STARD13: variants seen among roughly 807,000 people sequenced by gnomAD.
STARD13 encodes the protein StAR related lipid transfer domain containing 13, also known as stAR-related lipid transfer protein 13.
A neutral mutation model predicts 106.4 loss-of-function variants in STARD13; 62 were observed. The observed-to-expected ratio is 0.58, with a 90% CI of 0.48 to 0.72. STARD13 has a LOEUF of 0.72. Among genes scored for constraint, STARD13 ranks in the 30% least tolerant of loss-of-function variants. The probability of loss-of-function intolerance (pLI) is 0.00; values close to 1 mark genes in which losing one functional copy is unlikely to be tolerated. For synonymous variants in STARD13, 565 were observed against 553.0 expected (o/e 1.02, Z -0.31); for missense variants, 1,387 against 1,424.0 (o/e 0.97, Z 0.42).
intron 1 of STARD13, among the ~76,000 whole-genome samples, chr13:33,225,238 G>T (rs1159571996): frequency 1.3e-5 from 2 of 152,118 alleles, no homozygotes; most frequent in African/African-American, 2.4e-5. Flanking sequence ...CAAGTGCTAT[G>T]CCAGAAACTG....
At chr13:33,636,458 A>C in the STARD13 span, among the ~76,000 whole-genome samples, 1 of 152,162 alleles carries the variant, frequency 6.6e-6, no homozygotes, top group Admixed American at 6.5e-5. Flanking sequence ...TGGAGTGTGA[A>C]TGCGATGGGA....
intron 1 of STARD13, among the ~76,000 whole-genome samples, chr13:33,205,514 A>AGAAG (rs371636258): frequency 1.3e-5 from 2 of 152,206 alleles, no homozygotes; most frequent in African/African-American, 4.8e-5. Context: ...AAATAGAGAG[A>AGAAG]GAAGGAAGGA....
At chr13:33,415,492 C>T in the STARD13 span, among the ~76,000 whole-genome samples, 3 of 152,100 alleles carry the variant, frequency 2.0e-5, no homozygotes. Context: ...CTGGTTTCTA[C>T]AAGTATATAT....
intron 1 of STARD13, among the ~76,000 whole-genome samples, chr13:33,325,263 C>A (rs2077761100): frequency 6.6e-6 from 1 of 152,176 alleles, no homozygotes; most frequent in Non-Finnish European, 1.5e-5. Flanking sequence ...CTCTAGCCTT[C>A]ATCAAATCCT....
At chr13:33,172,976 G>C (rs1884139330) in intron 1 of STARD13, among the ~76,000 whole-genome samples, 1 of 152,176 alleles carries the variant, frequency 6.6e-6, no homozygotes, top group Non-Finnish European at 1.5e-5. Context: ...AAAAGAAAGA[G>C]TGTGATCGTC....
At chr13:33,153,330 G>A (rs879789764) in intron 3 of STARD13, among the ~76,000 whole-genome samples, 3 of 152,154 alleles carry the variant, frequency 2.0e-5, no homozygotes, top group Admixed American at 6.5e-5. Flanking sequence ...TAAGGCGGTC[G>A]TCAGCAGAAA....
chr13:33,171,184 G>C lies in STARD13; in HGVS notation c.170-3562C>G, dbSNP rs529114090. ...TTAAGAGCTATTAAAATCACATTTT[G>C]ACAGTTTTATTTGTTCTCCATTTGC... On this transcript the variant is annotated intron_variant, in intron 1 of 13. Coordinates refer to ENST00000336934, the MANE Select transcript of STARD13 (RefSeq NM_178006.4). Among the ~76,000 whole-genome samples, 23 of 152,294 alleles carry C rather than the reference G, an allele frequency of 1.5e-4. No homozygotes were observed. The East Asian group carries it at 4.1e-3, about 27-fold the overall frequency.
At chr13:33,575,802 TA>T in the STARD13 span, among the ~76,000 whole-genome samples, 1 of 152,190 alleles carries the variant, frequency 6.6e-6, no homozygotes, top group African/African-American at 2.4e-5. Context: ...AACTGTGAGC[TA>T]AATAAGCCTC....
At chr13:33,240,708 GATCCTTAAGTTT>G (rs141241827) in intron 1 of STARD13, among the ~76,000 whole-genome samples, 674 of 139,892 alleles carry the variant, frequency 4.8e-3, no homozygotes, top group Middle Eastern at 0.023. Flanking sequence ...TATCCTTAAG[GATCCTTAAGTTT>G]ATCCTTAAGT....
At chr13:33,121,173 G>T (rs1876230019) in intron 7 of STARD13, among the ~76,000 whole-genome samples, 1 of 152,220 alleles carries the variant, frequency 6.6e-6, no homozygotes, top group Non-Finnish European at 1.5e-5. Flanking sequence ...TCTTTCTAAG[G>T]CATAGAGAGA....
chr13:33,546,121 G>C, the STARD13 span, among the ~76,000 whole-genome samples: 1 of 152,016 alleles, frequency 6.6e-6, no homozygotes, highest in South Asian at 2.1e-4. Context: ...ACCAAGAATT[G>C]GTTGACTTTG....
chr13:33,565,732 G>A, the STARD13 span, among the ~76,000 whole-genome samples: 1 of 147,974 alleles, frequency 6.8e-6, no homozygotes, highest in Non-Finnish European at 1.5e-5. Context: ...TATCACAGAA[G>A]GGCATGATTA....
At chr13:33,434,893 A>AGAAGGAAGGAAGGAAGGAAG in the STARD13 span, among the ~76,000 whole-genome samples, 3 of 130,530 alleles carry the variant, frequency 2.3e-5, no homozygotes, top group African/African-American at 3.0e-5. Flanking sequence ...AGGGAAGGAA[A>AGAAGGAAGGAAGGAAGGAAG]GAAGGAAGGA....
chr13:33,615,027 G>A, the STARD13 span, among the ~76,000 whole-genome samples: 2 of 152,204 alleles, frequency 1.3e-5, no homozygotes, highest in Non-Finnish European at 2.9e-5. Context: ...TAGAAGAAAA[G>A]AGGCCAGTTA....
At chr13:33,201,604 C>T (rs767581378) in intron 1 of STARD13, among the ~76,000 whole-genome samples, 1 of 152,236 alleles carries the variant, frequency 6.6e-6, no homozygotes, top group Non-Finnish European at 1.5e-5. Flanking sequence ...CAGTTTGAAT[C>T]TCCAGCTCTC....
intron 1 of STARD13, among the ~76,000 whole-genome samples, chr13:33,200,814 G>T (rs968639099): frequency 4.6e-5 from 7 of 152,026 alleles, no homozygotes; most frequent in African/African-American, 1.7e-4. Context: ...GAGGTCAGGA[G>T]ATTGAGACCA....
intron 1 of STARD13, among the ~76,000 whole-genome samples, chr13:33,199,929 G>A (rs759400275): frequency 8.5e-5 from 13 of 152,198 alleles, no homozygotes; most frequent in Admixed American, 3.3e-4. Context: ...GAAGAACAGC[G>A]GTTCTCAGGA....
intron 1 of STARD13, chr13:33,186,105 A>G (rs1223753420): frequency 6.5e-7 from 1 of 1,541,876 alleles, no homozygotes; most frequent in African/African-American, 1.4e-5. Context: ...GAGGAACCTC[A>G]CTGCTCCCCA....
At chr13:33,132,240 A>T (rs1296326395) in intron 4 of STARD13, among the ~76,000 whole-genome samples, 1 of 152,194 alleles carries the variant, frequency 6.6e-6, no homozygotes, top group Non-Finnish European at 1.5e-5. Context: ...TTCCCACCAA[A>T]ATCTAATCTT....
Sources: gnomAD v4.1 joint callset for allele counts (sites outside exome capture counted in the v4.1 genomes callset) on GRCh38, gnomAD v4.1.1 for gene constraint, MANE v1.5 for transcripts, NCBI Gene and HGNC (gene_info 2026-07-23, HGNC 2026-07-21) for gene names.